PACRG: variants seen among roughly 807,000 people sequenced by gnomAD.
The protein encoded by PACRG is parkin coregulated gene protein.
Under a neutral mutation model 29.7 loss-of-function variants are expected in PACRG, and 29 were observed. The observed-to-expected ratio is 0.98, with a 90% CI of 0.73 to 1.33. The LOEUF (loss-of-function observed/expected upper bound fraction) is 1.33, where lower values mean the gene tolerates loss of function less well. PACRG is among the 40% of genes most tolerant of loss of function. The pLI, the probability that PACRG is intolerant of heterozygous loss-of-function variation, is 0.00. For synonymous variants in PACRG, 116 were observed against 118.7 expected (o/e 0.98, Z 0.15); for missense variants, 279 against 316.2 (o/e 0.88, Z 0.89).
intron 4 of PACRG, among the ~76,000 whole-genome samples, chr6:163,129,331 G>T (rs535035): frequency 1.2e-4 from 18 of 152,186 alleles, no homozygotes; most frequent in Admixed American, 8.5e-4. Context: ...TCGTTTTTTA[G>T]GTGCCCAGGT....
intron 4 of PACRG, among the ~76,000 whole-genome samples, chr6:163,144,233 C>CAAAAAAAAA (rs754157729): frequency 1.5e-4 from 15 of 101,934 alleles, no homozygotes; most frequent in South Asian, 3.6e-4. Context: ...CGTCTCAAAA[C>CAAAAAAAAA]AAAAAAAAAA....
At chr6:162,969,883 C>T (rs760147329) in intron 2 of PACRG, among the ~76,000 whole-genome samples, 2 of 152,118 alleles carry the variant, frequency 1.3e-5, no homozygotes, top group South Asian at 2.1e-4. Flanking sequence ...ATGCATTTGC[C>T]GCCAATTGCC....
intron 4 of PACRG, among the ~76,000 whole-genome samples, chr6:163,282,245 G>T (rs1784248171): frequency 6.6e-6 from 1 of 152,092 alleles, no homozygotes; most frequent in East Asian, 1.9e-4. Flanking sequence ...TTAAGAAAAA[G>T]AAATTTTCCC....
chr6:162,815,409 T>C (rs762190727), intron 2 of PACRG, among the ~76,000 whole-genome samples: 1 of 149,952 alleles, frequency 6.7e-6, no homozygotes, highest in African/African-American at 2.5e-5. Context: ...TTATATCTAG[T>C]ATGTCTTTTG....
At chr6:163,076,068 A>G (rs1291455580) in intron 3 of PACRG, among the ~76,000 whole-genome samples, 2 of 152,182 alleles carry the variant, frequency 1.3e-5, no homozygotes, top group Non-Finnish European at 2.9e-5. Context: ...CAGGGCCACA[A>G]CGTGCAATCC....
At chr6:162,733,506 C>G (rs1225188820) in intron 1 of PACRG, among the ~76,000 whole-genome samples, 1 of 152,142 alleles carries the variant, frequency 6.6e-6, no homozygotes, top group South Asian at 2.1e-4. Context: ...TTAAGCCATC[C>G]TCTCTAATTG....
chr6:163,188,006 A>C (rs1278143772), intron 4 of PACRG, among the ~76,000 whole-genome samples: 1 of 152,236 alleles, frequency 6.6e-6, no homozygotes, highest in Non-Finnish European at 1.5e-5. Flanking sequence ...AAAAAGTCCC[A>C]AAATGAGCAT....
chr6:163,155,214 C>T (rs1162852446), intron 4 of PACRG, among the ~76,000 whole-genome samples: 1 of 152,154 alleles, frequency 6.6e-6, no homozygotes, highest in Non-Finnish European at 1.5e-5. Flanking sequence ...CTTCCCGAGC[C>T]CGCTTTCCAA....
chr6:163,109,741 G>T (rs988168406), intron 4 of PACRG, among the ~76,000 whole-genome samples: 2 of 152,154 alleles, frequency 1.3e-5, no homozygotes, highest in African/African-American at 4.8e-5. Context: ...ACTGAATATT[G>T]GGAATAAACA....
At chr6:163,044,763 G>A (rs916024005) in intron 2 of PACRG, 1 of 152,228 alleles carries the variant, frequency 6.6e-6, no homozygotes, top group Non-Finnish European at 1.5e-5. Context: ...AGCAACATGG[G>A]GAGAGCGGGA....
intron 2 of PACRG, among the ~76,000 whole-genome samples, chr6:163,002,521 C>A (rs1804681798): frequency 6.6e-6 from 1 of 152,134 alleles, no homozygotes; most frequent in Admixed American, 6.5e-5. Context: ...AAGAAAAGAG[C>A]AACTATACCT....
At chr6:162,740,239 A>T (rs1013204712) in intron 1 of PACRG, among the ~76,000 whole-genome samples, 1 of 152,162 alleles carries the variant, frequency 6.6e-6, no homozygotes, top group Non-Finnish European at 1.5e-5. Flanking sequence ...ATAAGCGGTC[A>T]AGTTTCATGA....
intron 4 of PACRG, among the ~76,000 whole-genome samples, chr6:163,304,810 T>C (rs1255329956): frequency 1.3e-5 from 2 of 152,242 alleles, no homozygotes; most frequent in African/African-American, 2.4e-5. Flanking sequence ...GTGACCGGCT[T>C]CGTGAGGGAG....
At position 163,214,471 on chromosome 6, in the gene PACRG, C is replaced by T. The variant is rs1585339477; in HGVS notation, c.614-100356C>T. ...CAGTTGTTATACTTTTAAAGTATGA[C>T]ATCATTAAGCCTTCTTTTAAGTCTC... On this transcript the variant is annotated intron_variant, in intron 4 of 4. Transcript: ENST00000366888. Among the ~76,000 whole-genome samples the T allele has an allele frequency of 2.0e-5, 3 of 152,164 alleles. No individual in the cohort carries two copies. The East Asian group carries it at 5.8e-4, about 29-fold the overall frequency.
Position 162,845,271 on chromosome 6 carries a change from C to T in PACRG, c.291+30990C>T, listed in dbSNP as rs554236978. On this transcript the variant is annotated intron_variant, in intron 2 of 4. Coordinates refer to ENST00000366888, the MANE Select transcript of PACRG (RefSeq NM_001080379.2). ...CCCACTGACCCCATTGTATATGCAA[C>T]GGTACGTTCCAAAATTAAACCTAAA... 2.3e-4 allele frequency among the ~76,000 whole-genome samples: 35 copies of T among 152,210 alleles called. No homozygotes were observed. In the South Asian group the frequency reaches 4.6e-3, roughly 20 times the overall value.
chr6:163,165,910 G>T, intron 4 of PACRG: 1 of 360,484 alleles, frequency 2.8e-6, no homozygotes, highest in South Asian at 2.1e-5. Flanking sequence ...TTGCATCTAA[G>T]GCACCATTAG....
At chr6:162,787,582 GTATATATATATATATATATATATA>G (rs869254835) in intron 1 of PACRG, among the ~76,000 whole-genome samples, 5 of 62,418 alleles carry the variant, frequency 8.0e-5, no homozygotes, top group African/African-American at 2.4e-4. Flanking sequence ...GTGTGTGTGT[GTATATATATATATATATATATATA>G]TATATATATA....
intron 1 of PACRG, among the ~76,000 whole-genome samples, chr6:162,769,952 C>T (rs1245931728): frequency 6.6e-6 from 1 of 151,818 alleles, no homozygotes; most frequent in African/African-American, 2.4e-5. Flanking sequence ...CTTGAGGCCT[C>T]CTAGATTTTA....
At chr6:162,939,993 CA>C (rs1416966363) in intron 2 of PACRG, among the ~76,000 whole-genome samples, 2 of 152,076 alleles carry the variant, frequency 1.3e-5, no homozygotes, top group Non-Finnish European at 2.9e-5. Flanking sequence ...GAAGCTAAGC[CA>C]AACCCATTAT....
Sources: allele counts gnomAD v4.1 joint callset (sites outside exome capture counted in the v4.1 genomes callset), GRCh38; gene constraint gnomAD v4.1.1; transcripts MANE v1.5; gene names NCBI Gene and HGNC (gene_info 2026-07-23, HGNC 2026-07-21).